The following CTNNA2 variants were observed in gnomAD, a reference collection of about 807,000 sequenced individuals.
The protein encoded by CTNNA2 is catenin alpha 2.
CTNNA2 carries 42 observed loss-of-function variants against 101.0 expected under a neutral mutation model. That is an observed-to-expected ratio of 0.42 (90% CI 0.32 to 0.54). The LOEUF (loss-of-function observed/expected upper bound fraction) is 0.54, where lower values mean the gene tolerates loss of function less well. Ranked by LOEUF, CTNNA2 falls within the 20% of genes least tolerant of loss-of-function variation. The probability of loss-of-function intolerance (pLI) is 0.14; values close to 1 mark genes in which losing one functional copy is unlikely to be tolerated. For synonymous variants in CTNNA2, 450 were observed against 456.4 expected (o/e 0.99, Z 0.18); for missense variants, 871 against 1,223.1 (o/e 0.71, Z 4.29).
chr2:80,479,050 T>C (rs2149496676), intron 9 of CTNNA2, among the ~76,000 whole-genome samples: 1 of 152,160 alleles, frequency 6.6e-6, no homozygotes, highest in Middle Eastern at 3.4e-3. Flanking sequence ...TATAATTTCT[T>C]TCATCAATAT....
chr2:79,867,861 A>G (rs1196005490), intron 4 of CTNNA2, among the ~76,000 whole-genome samples: 2 of 152,200 alleles, frequency 1.3e-5, no homozygotes, highest in African/African-American at 4.8e-5. Flanking sequence ...GAAGAGATTT[A>G]CATCTCAAAT....
chr2:80,068,165 G>T (rs950314415), intron 7 of CTNNA2, among the ~76,000 whole-genome samples: 1 of 152,198 alleles, frequency 6.6e-6, no homozygotes, highest in African/African-American at 2.4e-5. Context: ...AGAGAGGCAG[G>T]AAAAGGACCC....
intron 6 of CTNNA2, among the ~76,000 whole-genome samples, chr2:79,894,860 A>G (rs781423606): frequency 3.9e-5 from 6 of 152,246 alleles, no homozygotes; most frequent in Admixed American, 6.5e-5. Flanking sequence ...CACTTTTAGC[A>G]CAAAGACATT....
At chr2:80,541,365 A>G (rs1335296666) in intron 9 of CTNNA2, among the ~76,000 whole-genome samples, 1 of 152,172 alleles carries the variant, frequency 6.6e-6, no homozygotes, top group Non-Finnish European at 1.5e-5. Flanking sequence ...GATCAGTACA[A>G]TTAAAGAGAA....
At chr2:79,639,051 G>T (rs1036271102) in intron 1 of CTNNA2, among the ~76,000 whole-genome samples, 1 of 152,008 alleles carries the variant, frequency 6.6e-6, no homozygotes, top group Non-Finnish European at 1.5e-5. Flanking sequence ...ACTTAATATG[G>T]CTCCATCAAG....
chr2:80,484,789 T>G (rs780287065), intron 9 of CTNNA2, among the ~76,000 whole-genome samples: 18 of 152,132 alleles, frequency 1.2e-4, no homozygotes, highest in African/African-American at 1.9e-4. Context: ...GGCGGATCAC[T>G]AGGTCCGGAG....
chr2:80,385,360 C>T (rs1329786077), intron 7 of CTNNA2, among the ~76,000 whole-genome samples: 1 of 151,984 alleles, frequency 6.6e-6, no homozygotes, highest in Admixed American at 6.6e-5. Flanking sequence ...ACTCCCTTGC[C>T]CCCTTGGCCA....
chr2:79,849,576 A>G (rs970764273), intron 3 of CTNNA2, among the ~76,000 whole-genome samples: 2 of 152,124 alleles, frequency 1.3e-5, no homozygotes, highest in Non-Finnish European at 2.9e-5. Context: ...GGTGAAATGC[A>G]TGTATAGCTC....
chr2:80,620,566 C>T (rs1671021204), intron 18 of CTNNA2, among the ~76,000 whole-genome samples: 1 of 151,880 alleles, frequency 6.6e-6, no homozygotes, highest in Non-Finnish European at 1.5e-5. Flanking sequence ...CCATAACTGG[C>T]CAATAGGAAG....
intron 4 of CTNNA2, among the ~76,000 whole-genome samples, chr2:79,398,976 A>G (rs1259577910): frequency 1.3e-5 from 2 of 152,052 alleles, no homozygotes; most frequent in Admixed American, 6.6e-5. Context: ...TCTTGCAACT[A>G]TGGTAGACTA....
chr2:80,381,856 A>G (rs1235704537), intron 7 of CTNNA2, among the ~76,000 whole-genome samples: 3 of 152,230 alleles, frequency 2.0e-5, no homozygotes, highest in Non-Finnish European at 2.9e-5. Context: ...ATTCTCTTTC[A>G]GTTCCTACTG....
chr2:80,306,395 T>C lies in CTNNA2; in HGVS notation c.1057-86816T>C, dbSNP rs755240154. Among the ~76,000 whole-genome samples the C allele has an allele frequency of 2.6e-3, 347 of 135,238 alleles. 1 individual carries two copies. The highest frequency in any genetic ancestry group is 4.6e-3 in the Non-Finnish European group (296 of 64,788). 88.7% of individuals were successfully genotyped at this position (135,238 alleles called of 152,430 possible). On this transcript the variant is annotated intron_variant, in intron 7 of 18. Coordinates refer to ENST00000402739, the MANE Select transcript of CTNNA2 (RefSeq NM_001282597.3). The stretch of plus-strand genomic sequence containing the variant: ...TCTTTCTTTCTTTTCTTTTCTTTTC[T>C]TTTCTTTTCTTTCTTTCTTTCTTTC...
chr2:79,389,456 TAAAC>T (rs1324886162), intron 4 of CTNNA2, among the ~76,000 whole-genome samples: 1 of 152,214 alleles, frequency 6.6e-6, no homozygotes, highest in Non-Finnish European at 1.5e-5. Context: ...GCAATGTTCA[TAAAC>T]AAACAAAAGA....
intron 4 of CTNNA2, among the ~76,000 whole-genome samples, chr2:79,412,850 CAG>C (rs1374018892): frequency 4.6e-5 from 7 of 152,022 alleles, no homozygotes; most frequent in Non-Finnish European, 8.8e-5. Context: ...CTATTAATGA[CAG>C]AATGGCATGA....
At chr2:80,608,433 C>T in intron 17 of CTNNA2, 115 bp downstream of exon 17, 1 of 1,098,570 alleles carries the variant, frequency 9.1e-7, no homozygotes, top group Non-Finnish European at 1.3e-6. Context: ...ATAGGGAGGG[C>T]TTTTTTTAAA....
At chr2:80,011,923 A>C (rs1693817323) in intron 7 of CTNNA2, among the ~76,000 whole-genome samples, 1 of 152,172 alleles carries the variant, frequency 6.6e-6, no homozygotes, top group East Asian at 1.9e-4. Context: ...GAATAAGATT[A>C]ACCATGATGT....
chr2:80,157,277 C>T (rs1453480983), intron 7 of CTNNA2, among the ~76,000 whole-genome samples: 1 of 152,124 alleles, frequency 6.6e-6, no homozygotes, highest in Non-Finnish European at 1.5e-5. Flanking sequence ...ACCACTCTGT[C>T]ATTTATATTG....
At chr2:79,354,253 A>G (rs1366776856) in intron 3 of CTNNA2, among the ~76,000 whole-genome samples, 3 of 152,136 alleles carry the variant, frequency 2.0e-5, no homozygotes, top group South Asian at 2.1e-4. Context: ...TTCATAAACT[A>G]TGTCCTCAAA....
At chr2:80,033,754 TGAA>T (rs1004763895) in intron 7 of CTNNA2, among the ~76,000 whole-genome samples, 31 of 152,100 alleles carry the variant, frequency 2.0e-4, no homozygotes, top group African/African-American at 7.5e-4. Context: ...TATGAATACA[TGAA>T]GAGATCTCTG....
Sources: allele counts gnomAD v4.1 joint callset (sites outside exome capture counted in the v4.1 genomes callset), GRCh38; gene constraint gnomAD v4.1.1; transcripts MANE v1.5; gene names NCBI Gene and HGNC (gene_info 2026-07-23, HGNC 2026-07-21).